DRAM1: variants seen among roughly 807,000 people sequenced by gnomAD.
DRAM1 encodes the protein DNA damage-regulated autophagy modulator protein 1.
DRAM1 carries 25 observed loss-of-function variants against 28.5 expected under a neutral mutation model. The observed-to-expected ratio is 0.88, with a 90% CI of 0.64 to 1.23. DRAM1 has a LOEUF of 1.23. Among genes scored for constraint, DRAM1 ranks in the 50% most tolerant of loss-of-function variants. DRAM1 has a pLI of 0.00. For missense variants in DRAM1, 249 were observed against 299.2 expected, an observed-to-expected ratio of 0.83 and a Z score of 1.24; for synonymous variants, 113 against 114.2, an observed-to-expected ratio of 0.99 and a Z score of 0.07.
intron 4 of DRAM1, among the ~76,000 whole-genome samples, chr12:101,910,646 T>G (rs1874006446): frequency 6.6e-6 from 1 of 151,576 alleles, no homozygotes; most frequent in African/African-American, 2.4e-5. Context: ...CCCGGCTACT[T>G]TTCATATTTT....
chr12:101,895,577 T>TTTTTTG (rs1873333704), intron 1 of DRAM1, among the ~76,000 whole-genome samples: 4 of 143,376 alleles, frequency 2.8e-5, no homozygotes, highest in Admixed American at 1.4e-4. Flanking sequence ...TTTTTTTTTT[T>TTTTTTG]TTTTTTTTTT....
chr12:101,892,283 T>C (rs1873163724), intron 1 of DRAM1, among the ~76,000 whole-genome samples: 1 of 151,918 alleles, frequency 6.6e-6, no homozygotes, highest in South Asian at 2.1e-4. Flanking sequence ...TCGCCCAGGC[T>C]GGTATGCAGT....
Position 101,908,291 on chromosome 12 carries a change from C to G in DRAM1, c.448C>G (p.Gln150Glu). Residue 150 changes from glutamine (Q) to glutamate (E), a missense_variant, in exon 4 of 7, where the codon CAG becomes GAG. By Grantham distance (29) the Gln-to-Glu change is conservative (BLOSUM62 2). Coordinates refer to ENST00000258534, the MANE Select transcript of DRAM1 (RefSeq NM_018370.3). ...QSIISYKSCP[Q>E]WNSLSTCHIR... ...CATCATCTCTTACAAATCATGTCCC[C>G]AGTGGAACAGTCTCTCGACATGCCA... The G allele has an allele frequency of 5.0e-6, 8 of 1,614,190 alleles. No homozygotes were observed. The highest frequency in any genetic ancestry group is 6.8e-6 in the Non-Finnish European group (8 of 1,180,036).
At chr12:101,889,940 CAAAAAAA>C in intron 1 of DRAM1, 25 of 239,126 alleles carry the variant, frequency 1.0e-4, no homozygotes, top group Admixed American at 2.9e-4. Flanking sequence ...GACTCTGTCT[CAAAAAAA>C]AAAAAAAAAA....
chr12:101,908,266 C>T lies in DRAM1; in HGVS notation c.423C>T (p.Ser141=), dbSNP rs1873899291. 2 of 1,614,162 alleles carry T rather than the reference C, an allele frequency of 1.2e-6. No individual in the cohort carries two copies. Among genetic ancestry groups the T allele is most frequent in the Non-Finnish European group, 1.7e-6 (2 of 1,180,028 alleles). ...GTGTCGTGTACACGCTCCTACAGTC[C>T]ATCATCTCTTACAAATCATGTCCCC... is the stretch of plus-strand genomic sequence containing the variant. ...VCGVVYTLLQ[S]IISYKSCPQW... is the part of the protein sequence containing the mutation. Residue 141 remains serine, a synonymous_variant, in exon 4 of 7, where the codon TCC becomes TCT. Transcript: ENST00000258534.
chr12:101,895,206 T>TG (rs1873311099), intron 1 of DRAM1, among the ~76,000 whole-genome samples: 1 of 139,520 alleles, frequency 7.2e-6, no homozygotes, highest in Non-Finnish European at 1.5e-5. Flanking sequence ...TTTTTTTTTT[T>TG]TTTTTTTTTT....
At position 101,899,681 on chromosome 12, in the gene DRAM1, C is replaced by CAAA. The variant is rs55642593; in HGVS notation, c.200-1593_200-1591dup. ...GTGACAGAGCAAGTCCCTGTCTCCACAAAAAAAAAAAAAAAAAAAGATTTA... is the reference window on the plus strand; with the variant it reads ...GTGACAGAGCAAGTCCCTGTCTCCACAAAAAAAAAAAAAAAAAAAAAAGATTTA... On this transcript the variant is annotated intron_variant, in intron 2 of 6. Coordinates refer to ENST00000258534, the MANE Select transcript of DRAM1 (RefSeq NM_018370.3). Among the ~76,000 whole-genome samples, 42 of 102,706 alleles carry CAAA rather than the reference C, an allele frequency of 4.1e-4. 1 individual carries two copies. The highest frequency in any genetic ancestry group is 2.1e-3 in the East Asian group (8 of 3,840). The allele number at this position is 102,706 out of a possible 152,430, so 67.4% of individuals were successfully genotyped here.
chr12:101,879,552 A>G lies in DRAM1; in HGVS notation c.131+1632A>G, dbSNP rs111753435. ...TGCTTTGGCCTCCCAGAGTGTTGGG[A>G]TTACAGGCGTGAGCCACCACGCCTG... On this transcript the variant is annotated intron_variant, in intron 1 of 6. Transcript: ENST00000258534. Among the ~76,000 whole-genome samples, 1,321 of 144,672 alleles carry G rather than the reference A, an allele frequency of 9.1e-3. 11 individuals carry two copies. Among genetic ancestry groups the G allele is most frequent in the Non-Finnish European group, 0.014 (948 of 65,596 alleles). 94.9% of individuals were successfully genotyped at this position (144,672 alleles called of 152,430 possible).
chr12:101,882,107 ATTTTTTTTTTTTT>A (rs78402038), intron 1 of DRAM1, among the ~76,000 whole-genome samples: 4 of 129,596 alleles, frequency 3.1e-5, no homozygotes, highest in African/African-American at 8.2e-5. Flanking sequence ...TGATGGTCTA[ATTTTTTTTTTTTT>A]TTTTTTTTTT....
At chr12:101,910,603 T>C (rs1266068006) in intron 4 of DRAM1, among the ~76,000 whole-genome samples, 2 of 151,138 alleles carry the variant, frequency 1.3e-5, no homozygotes, top group Non-Finnish European at 2.9e-5. Flanking sequence ...TCAGCCTCCC[T>C]AGTAGCTGGT....
intron 3 of DRAM1, among the ~76,000 whole-genome samples, chr12:101,906,210 GA>G (rs1216508979): frequency 6.6e-6 from 1 of 151,954 alleles, no homozygotes; most frequent in African/African-American, 2.4e-5. Flanking sequence ...TTGATACTAG[GA>G]AATACATTTC....
chr12:101,886,122 G>A (rs945502649), intron 1 of DRAM1, among the ~76,000 whole-genome samples: 1 of 152,200 alleles, frequency 6.6e-6, no homozygotes, highest in East Asian at 1.9e-4. Context: ...TTCCAGCACA[G>A]TTAGAGATGA....
At chr12:101,884,177 G>A (rs141719351) in intron 1 of DRAM1, among the ~76,000 whole-genome samples, 2 of 151,828 alleles carry the variant, frequency 1.3e-5, no homozygotes, top group Non-Finnish European at 2.9e-5. Flanking sequence ...ACTTGAGTCC[G>A]GGTGTTTGAG....
chr12:101,885,624 T>A (rs1872859145), intron 1 of DRAM1, among the ~76,000 whole-genome samples: 1 of 150,236 alleles, frequency 6.7e-6, no homozygotes, highest in African/African-American at 2.5e-5. Flanking sequence ...GCCTCCCAGT[T>A]CAAGTGATTC....
chr12:101,906,317 T>G (rs572743439), intron 3 of DRAM1, among the ~76,000 whole-genome samples: 7 of 152,290 alleles, frequency 4.6e-5, no homozygotes, highest in African/African-American at 1.7e-4. Context: ...TGCTCCAGCT[T>G]GAGGTTGAAC....
chr12:101,878,674 T>C (rs369364853), intron 1 of DRAM1, among the ~76,000 whole-genome samples: 89 of 152,354 alleles, frequency 5.8e-4, no homozygotes, highest in African/African-American at 2.0e-3. Context: ...GATCCTCCTA[T>C]GTGGGTTCCA....
At chr12:101,881,434 A>G (rs2121001956) in intron 1 of DRAM1, among the ~76,000 whole-genome samples, 1 of 152,110 alleles carries the variant, frequency 6.6e-6, no homozygotes, top group South Asian at 2.1e-4. Context: ...GGCTCAAGCA[A>G]TCCCCTGACC....
At chr12:101,914,263 T>C in intron 5 of DRAM1, 31 bp downstream of exon 5, 1 of 1,575,872 alleles carries the variant, frequency 6.3e-7, no homozygotes, top group Non-Finnish European at 8.7e-7. Context: ...AATGTGGTTG[T>C]CGGACGTGGT....
At chr12:101,903,704 T>A (rs1001237627) in intron 3 of DRAM1, among the ~76,000 whole-genome samples, 8 of 152,138 alleles carry the variant, frequency 5.3e-5, no homozygotes, top group Non-Finnish European at 7.4e-5. Flanking sequence ...AAAAAATGAA[T>A]AAGTATGTGA....
Sources: allele counts gnomAD v4.1 joint callset (sites outside exome capture counted in the v4.1 genomes callset), GRCh38; gene constraint gnomAD v4.1.1; transcripts MANE v1.5; gene names NCBI Gene and HGNC (gene_info 2026-07-23, HGNC 2026-07-21).